TBC1D5: variants seen among roughly 807,000 people sequenced by gnomAD.
The protein encoded by TBC1D5 is TBC1 domain family, member 5.
A neutral mutation model predicts 100.3 loss-of-function variants in TBC1D5; 75 were observed. That is an observed-to-expected ratio of 0.75 (90% confidence interval 0.62 to 0.91). The LOEUF (loss-of-function observed/expected upper bound fraction) is 0.91, where lower values mean the gene tolerates loss of function less well. TBC1D5 is among the 40% of genes least tolerant of loss of function. The probability of loss-of-function intolerance (pLI) is 0.00; values close to 1 mark genes in which losing one functional copy is unlikely to be tolerated. For missense variants in TBC1D5, 910 were observed against 942.4 expected, an observed-to-expected ratio of 0.97 and a Z score of 0.45; for synonymous variants, 323 against 325.6, an observed-to-expected ratio of 0.99 and a Z score of 0.09.
chr3:17,598,332 G>A (rs1218700475), intron 2 of TBC1D5, among the ~76,000 whole-genome samples: 1 of 152,148 alleles, frequency 6.6e-6, no homozygotes, highest in Admixed American at 6.6e-5. Context: ...TTCTCTTCTT[G>A]TAAGTATGTC....
At chr3:17,736,803 G>A (rs1443549938) in intron 1 of TBC1D5, among the ~76,000 whole-genome samples, 4 of 152,174 alleles carry the variant, frequency 2.6e-5, no homozygotes, top group African/African-American at 9.7e-5. Flanking sequence ...CCTGAGTCAG[G>A]AGTTTGAGAC....
chr3:17,429,187 T>C (rs2094401830), intron 3 of TBC1D5, among the ~76,000 whole-genome samples: 1 of 151,964 alleles, frequency 6.6e-6, no homozygotes, highest in Non-Finnish European at 1.5e-5. Flanking sequence ...AAATCTATCA[T>C]ATTCATAAAA....
intron 13 of TBC1D5, among the ~76,000 whole-genome samples, chr3:17,319,973 A>G (rs2085191282): frequency 6.6e-6 from 1 of 152,238 alleles, no homozygotes; most frequent in African/African-American, 2.4e-5. Context: ...ATACAAATAA[A>G]TAACTTGCTC....
chr3:17,742,562 T>C (rs1055735621), upstream of TBC1D5: 2 of 152,378 alleles, frequency 1.3e-5, no homozygotes, highest in Non-Finnish European at 1.5e-5. Context: ...TCTCCCTCAG[T>C]CTGCAGGGCG....
chr3:17,436,714 T>C (rs1249821616), intron 3 of TBC1D5, among the ~76,000 whole-genome samples: 1 of 152,154 alleles, frequency 6.6e-6, no homozygotes, highest in African/African-American at 2.4e-5. Flanking sequence ...TTAAGATATA[T>C]AAATGTTTCT....
At chr3:17,526,980 A>C (rs572352600) in intron 2 of TBC1D5, among the ~76,000 whole-genome samples, 2 of 152,210 alleles carry the variant, frequency 1.3e-5, no homozygotes, top group African/African-American at 2.4e-5. Context: ...TATAATATAC[A>C]TTCAACTTAG....
At chr3:17,361,512 T>C (rs551420371) in intron 13 of TBC1D5, among the ~76,000 whole-genome samples, 9 of 152,178 alleles carry the variant, frequency 5.9e-5, no homozygotes, top group African/African-American at 1.9e-4. Flanking sequence ...AGCTCTACTA[T>C]ATTTAGGGCT....
At chr3:17,306,147 T>C (rs1427933682) in intron 14 of TBC1D5, among the ~76,000 whole-genome samples, 2 of 152,188 alleles carry the variant, frequency 1.3e-5, no homozygotes, top group Admixed American at 6.5e-5. Flanking sequence ...CCTTCTGTCT[T>C]GTATGCAGAT....
At chr3:17,482,330 T>C (rs1006018032) in intron 3 of TBC1D5, among the ~76,000 whole-genome samples, 1 of 152,160 alleles carries the variant, frequency 6.6e-6, no homozygotes, top group African/African-American at 2.4e-5. Flanking sequence ...TATAGAAAGG[T>C]AAACACAGAG....
At chr3:17,451,612 G>A (rs573301712) in intron 3 of TBC1D5, among the ~76,000 whole-genome samples, 7 of 152,274 alleles carry the variant, frequency 4.6e-5, no homozygotes, top group African/African-American at 1.4e-4. Flanking sequence ...CAAGGATCTA[G>A]AACTAGAAAT....
At chr3:17,293,698 G>A (rs1393654977) in intron 14 of TBC1D5, among the ~76,000 whole-genome samples, 1 of 152,138 alleles carries the variant, frequency 6.6e-6, no homozygotes, top group Non-Finnish European at 1.5e-5. Flanking sequence ...CCCTATGCTA[G>A]GGGAGCACGT....
intron 16 of TBC1D5, among the ~76,000 whole-genome samples, chr3:17,249,921 T>C (rs2077048089): frequency 6.6e-6 from 1 of 152,144 alleles, no homozygotes; most frequent in East Asian, 1.9e-4. Context: ...GCTCACTAAT[T>C]ACAGATCATC....
At chr3:17,162,907 CTG>C (rs1157198608) in intron 21 of TBC1D5, among the ~76,000 whole-genome samples, 1 of 152,198 alleles carries the variant, frequency 6.6e-6, no homozygotes, top group African/African-American at 2.4e-5. Flanking sequence ...GCACTGTAAA[CTG>C]TGAAAATCTT....
At chr3:17,230,677 G>A (rs990573768) in intron 17 of TBC1D5, among the ~76,000 whole-genome samples, 1 of 151,920 alleles carries the variant, frequency 6.6e-6, no homozygotes, top group African/African-American at 2.4e-5. Flanking sequence ...TAACACAAAT[G>A]TATATATACA....
intron 3 of TBC1D5, among the ~76,000 whole-genome samples, chr3:17,469,445 T>C (rs1007474994): frequency 6.6e-6 from 1 of 152,156 alleles, no homozygotes; most frequent in Non-Finnish European, 1.5e-5. Flanking sequence ...TGTTCCACCA[T>C]TTACTTTATG....
At chr3:17,613,209 A>T (rs2061830988) in intron 2 of TBC1D5, among the ~76,000 whole-genome samples, 1 of 152,182 alleles carries the variant, frequency 6.6e-6, no homozygotes, top group East Asian at 1.9e-4. Context: ...TGCAAAGGAC[A>T]TGAACTCATC....
intron 21 of TBC1D5, among the ~76,000 whole-genome samples, chr3:17,163,414 T>C (rs1307152583): frequency 1.3e-5 from 2 of 152,182 alleles, no homozygotes; most frequent in African/African-American, 2.4e-5. Flanking sequence ...GACTTCTTTA[T>C]GGATTTCCCT....
intron 18 of TBC1D5, among the ~76,000 whole-genome samples, chr3:17,208,071 G>C (rs1173605552): frequency 1.3e-5 from 2 of 152,226 alleles, no homozygotes; most frequent in Non-Finnish European, 2.9e-5. Context: ...GAATATCGCT[G>C]TATCACATCA....
chr3:17,275,853 C>G (rs1343716572), intron 15 of TBC1D5, among the ~76,000 whole-genome samples: 2 of 152,148 alleles, frequency 1.3e-5, no homozygotes, highest in African/African-American at 4.8e-5. Context: ...TCTTAAGAGT[C>G]TCAGAGTCCG....
Sources: gnomAD v4.1 joint callset for allele counts (sites outside exome capture counted in the v4.1 genomes callset) on GRCh38, gnomAD v4.1.1 for gene constraint, MANE v1.5 for transcripts, NCBI Gene and HGNC (gene_info 2026-07-23, HGNC 2026-07-21) for gene names.